Variants in MPPED2 observed in about 807,000 individuals in gnomAD.
MPPED2 encodes metallophosphoesterase domain containing 2.
A neutral mutation model predicts 33.0 loss-of-function variants in MPPED2; 5 were observed. The ratio of observed to expected loss-of-function variants is 0.15; its 90% CI spans 0.08 to 0.32. The LOEUF (loss-of-function observed/expected upper bound fraction) is 0.32, where lower values mean the gene tolerates loss of function less well. MPPED2 is among the 10% of genes least tolerant of loss of function. MPPED2 has a pLI of 1.00. For synonymous variants in MPPED2, 136 were observed against 141.9 expected, an observed-to-expected ratio of 0.96 and a Z score of 0.29; for missense variants, 275 against 372.1, an observed-to-expected ratio of 0.74 and a Z score of 2.15.
chr11:30,533,668 G>A (rs1400597314), intron 3 of MPPED2, among the ~76,000 whole-genome samples: 1 of 152,016 alleles, frequency 6.6e-6, no homozygotes, highest in Non-Finnish European at 1.5e-5. Context: ...GCTATTCTTG[G>A]CCTTCTCTAT....
At chr11:30,451,984 G>A (rs1208624543) in intron 4 of MPPED2, 1 of 985,282 alleles carries the variant, frequency 1.0e-6, no homozygotes, top group African/African-American at 1.7e-5. Flanking sequence ...TGGGAAGTAG[G>A]AGGGAGCCGT....
intron 3 of MPPED2, among the ~76,000 whole-genome samples, chr11:30,528,469 G>A (rs577154969): frequency 2.9e-4 from 44 of 152,146 alleles, no homozygotes; most frequent in African/African-American, 9.6e-4. Context: ...TGTTGCCCAC[G>A]CTGGTCTCAA....
intron 6 of MPPED2, among the ~76,000 whole-genome samples, chr11:30,413,001 C>A (rs935049103): frequency 2.0e-5 from 3 of 152,210 alleles, no homozygotes; most frequent in African/African-American, 7.2e-5. Context: ...GGTGTTCCCT[C>A]CATCATACCT....
intron 4 of MPPED2, among the ~76,000 whole-genome samples, chr11:30,472,309 C>T (rs1338813213): frequency 2.0e-5 from 3 of 151,872 alleles, no homozygotes; most frequent in Admixed American, 6.6e-5. Context: ...TGCAGTGAGC[C>T]GTGGTGGTGC....
intron 3 of MPPED2, among the ~76,000 whole-genome samples, chr11:30,506,870 G>A (rs1340064798): frequency 1.3e-5 from 2 of 152,174 alleles, no homozygotes; most frequent in Non-Finnish European, 2.9e-5. Context: ...GGAATTCTGC[G>A]GGGCAGGGCT....
chr11:30,412,464 G>T (rs189659291), intron 6 of MPPED2, among the ~76,000 whole-genome samples: 215 of 151,934 alleles, frequency 1.4e-3, no homozygotes, highest in Non-Finnish European at 2.4e-3. Flanking sequence ...GGCTCTTATC[G>T]CATATAAAAA....
intron 3 of MPPED2, among the ~76,000 whole-genome samples, chr11:30,528,410 C>G (rs1954324803): frequency 1.3e-5 from 2 of 152,110 alleles, no homozygotes; most frequent in Admixed American, 6.5e-5. Flanking sequence ...CACACACCAC[C>G]ACACCTGACT....
chr11:30,428,036 A>G (rs1198123698), intron 4 of MPPED2, among the ~76,000 whole-genome samples: 2 of 152,070 alleles, frequency 1.3e-5, no homozygotes, highest in Non-Finnish European at 2.9e-5. Context: ...GGGGTAGGGA[A>G]ATTAGTGGGT....
At chr11:30,573,191 T>C (rs532887954) in intron 2 of MPPED2, among the ~76,000 whole-genome samples, 6 of 152,158 alleles carry the variant, frequency 3.9e-5, no homozygotes, top group Admixed American at 6.5e-5. Context: ...ACAATGGAGT[T>C]GAAAATTTTC....
chr11:30,549,965 C>T (rs993540931), intron 2 of MPPED2, among the ~76,000 whole-genome samples: 1 of 152,046 alleles, frequency 6.6e-6, no homozygotes, highest in African/African-American at 2.4e-5. Flanking sequence ...CAAATCAGCC[C>T]CTCTTCCCAC....
chr11:30,547,585 T>C (rs553909987), intron 2 of MPPED2, among the ~76,000 whole-genome samples: 25 of 152,356 alleles, frequency 1.6e-4, no homozygotes, highest in African/African-American at 6.0e-4. Context: ...TTGTATTGTA[T>C]AACTTTGTAA....
intron 4 of MPPED2, among the ~76,000 whole-genome samples, chr11:30,468,270 T>A (rs867441670): frequency 1.6e-4 from 24 of 151,598 alleles, no homozygotes; most frequent in Non-Finnish European, 2.5e-4. Flanking sequence ...TCTCTCTCTC[T>A]CTCTCTCTCT....
intron 4 of MPPED2, among the ~76,000 whole-genome samples, chr11:30,468,475 T>C (rs753282958): frequency 1.4e-4 from 22 of 152,124 alleles, no homozygotes; most frequent in Non-Finnish European, 2.8e-4. Flanking sequence ...TTGATAACTT[T>C]TTGATGATGA....
chr11:30,501,973 G>C (rs2134247884), intron 3 of MPPED2, among the ~76,000 whole-genome samples: 1 of 152,236 alleles, frequency 6.6e-6, no homozygotes, highest in East Asian at 1.9e-4. Context: ...AGGGCAGAGG[G>C]GAACGACCTT....
At chr11:30,517,526 A>G (rs1048306962) in intron 3 of MPPED2, among the ~76,000 whole-genome samples, 4 of 152,198 alleles carry the variant, frequency 2.6e-5, no homozygotes, top group Non-Finnish European at 5.9e-5. Context: ...ATATTTGATG[A>G]ACCAATCACA....
rs561839009 is a variant in MPPED2 at position 30,440,922 on chromosome 11, C to T, written c.537-23289G>A. On this transcript the variant is annotated intron_variant, in intron 4 of 6. Coordinates refer to ENST00000358117, the MANE Select transcript of MPPED2 (RefSeq NM_001584.3). Reference sequence around the variant, plus strand: ...ATCGTAATATGTCTGGGCTTAAAAACGGGTGCTTTGCTCAAACATATATGT... The same window carrying T: ...ATCGTAATATGTCTGGGCTTAAAAATGGGTGCTTTGCTCAAACATATATGT... Among the ~76,000 whole-genome samples, 194 of 152,314 alleles carry T rather than the reference C, an allele frequency of 1.3e-3. 1 individual carries two copies. The highest frequency in any genetic ancestry group is 4.4e-3 in the Admixed American group (68 of 15,310).
At chr11:30,395,571 T>A (rs1947829809) in intron 6 of MPPED2, among the ~76,000 whole-genome samples, 1 of 152,138 alleles carries the variant, frequency 6.6e-6, no homozygotes, top group Non-Finnish European at 1.5e-5. Flanking sequence ...AAGCCTCTCA[T>A]GAGTTCCCAA....
At chr11:30,586,538 G>A (rs1467550004), upstream of MPPED2, among the ~76,000 whole-genome samples, 1 of 152,140 alleles carries the variant, frequency 6.6e-6, no homozygotes, top group Non-Finnish European at 1.5e-5. This position sits in a 1 kb window ranked among gnomAD's most constrained non-coding sequence, Gnocchi z 4.8. Context: ...GGGAGCCGAG[G>A]GCGAGGCCCG....
chr11:30,424,690 T>G (rs772803823), intron 4 of MPPED2, among the ~76,000 whole-genome samples: 2 of 152,140 alleles, frequency 1.3e-5, no homozygotes, highest in African/African-American at 2.4e-5. Context: ...CTGCCTCGTT[T>G]TCCCTTCTTA....
Sources: allele counts gnomAD v4.1 joint callset (sites outside exome capture counted in the v4.1 genomes callset), GRCh38; gene constraint gnomAD v4.1.1; non-coding constraint Gnocchi (gnomAD v3.1); transcripts MANE v1.5; gene names NCBI Gene and HGNC (gene_info 2026-07-23, HGNC 2026-07-21).